PLXDC2: variants seen among roughly 807,000 people sequenced by gnomAD.
The protein encoded by PLXDC2 is plexin domain containing 2.
A neutral mutation model predicts 68.9 loss-of-function variants in PLXDC2; 40 were observed. That is an observed-to-expected ratio of 0.58 (90% CI 0.45 to 0.76). The LOEUF (loss-of-function observed/expected upper bound fraction) is 0.76, where lower values mean the gene tolerates loss of function less well. PLXDC2 is among the 30% of genes least tolerant of loss of function. PLXDC2 has a pLI of 0.00. For synonymous variants in PLXDC2, 243 were observed against 234.2 expected (o/e 1.04, Z -0.34); for missense variants, 644 against 661.9 (o/e 0.97, Z 0.30).
intron 5 of PLXDC2, among the ~76,000 whole-genome samples, chr10:20,146,573 G>A (rs1049187454): frequency 8.9e-5 from 11 of 123,168 alleles, no homozygotes; most frequent in South Asian, 5.8e-4. Flanking sequence ...GGAGATGCCC[G>A]TGGAAGGAAG....
At position 20,246,597 on chromosome 10, in the gene PLXDC2, G is replaced by A. The variant is rs545098188; in HGVS notation, c.1473+1092G>A. Among the ~76,000 whole-genome samples, 155 of 152,272 alleles carry A rather than the reference G, an allele frequency of 1.0e-3. 6 individuals are homozygous for A. The South Asian group carries it at 0.029, about 28-fold the overall frequency. ...ACTCCTGACCACAAGTGATCCTCCC[G>A]CCTTGGCCTCCCAAAGTGCCGGGAT... On this transcript the variant is annotated intron_variant, in intron 13 of 13. Transcript: ENST00000377252.
intron 1 of PLXDC2, among the ~76,000 whole-genome samples, chr10:19,935,015 C>T (rs1486574385): frequency 6.6e-6 from 1 of 152,196 alleles, no homozygotes; most frequent in East Asian, 1.9e-4. Context: ...GCCCCTTTTC[C>T]AGAAAAAGGA....
At chr10:20,033,390 G>A (rs1251287490) in intron 2 of PLXDC2, among the ~76,000 whole-genome samples, 2 of 151,992 alleles carry the variant, frequency 1.3e-5, no homozygotes, top group Non-Finnish European at 2.9e-5. Flanking sequence ...AACACAGAAA[G>A]TAAGTGACCC....
At chr10:20,209,115 A>T (rs1428015788) in intron 9 of PLXDC2, among the ~76,000 whole-genome samples, 1 of 152,176 alleles carries the variant, frequency 6.6e-6, no homozygotes, top group Non-Finnish European at 1.5e-5. Context: ...AAAACATCGT[A>T]TCAGGAAACA....
At chr10:20,224,844 A>G (rs1400305697) in intron 12 of PLXDC2, among the ~76,000 whole-genome samples, 2 of 152,208 alleles carry the variant, frequency 1.3e-5, no homozygotes, top group East Asian at 1.9e-4. Context: ...ATATTTAAAT[A>G]TAAGTTCTTA....
At chr10:19,902,826 A>G (rs1838181283) in intron 1 of PLXDC2, among the ~76,000 whole-genome samples, 1 of 152,072 alleles carries the variant, frequency 6.6e-6, no homozygotes, top group Admixed American at 6.6e-5. Context: ...TGTCATAGAT[A>G]TTTTTTATTC....
chr10:20,277,348 A>T (rs1290981749), intron 13 of PLXDC2, among the ~76,000 whole-genome samples: 1 of 152,164 alleles, frequency 6.6e-6, no homozygotes, highest in African/African-American at 2.4e-5. Context: ...TAGGAATTCT[A>T]AAAGTTAGCA....
intron 2 of PLXDC2, among the ~76,000 whole-genome samples, chr10:20,005,927 C>T (rs1176473382): frequency 6.6e-6 from 1 of 152,178 alleles, no homozygotes; most frequent in Non-Finnish European, 1.5e-5. Context: ...CAGTGGCTCA[C>T]ACCTGTAATC....
At chr10:19,920,365 C>G (rs528704684) in intron 1 of PLXDC2, among the ~76,000 whole-genome samples, 1 of 152,340 alleles carries the variant, frequency 6.6e-6, no homozygotes, top group South Asian at 2.1e-4. Context: ...TGCCACACCC[C>G]CATCCTGTGC....
At chr10:20,116,874 C>T (rs917507913) in intron 4 of PLXDC2, among the ~76,000 whole-genome samples, 1 of 151,934 alleles carries the variant, frequency 6.6e-6, no homozygotes, top group Non-Finnish European at 1.5e-5. Flanking sequence ...GTAAATTCTA[C>T]AGATTGTTAT....
At chr10:19,857,180 G>T (rs1359660220) in intron 1 of PLXDC2, among the ~76,000 whole-genome samples, 5 of 152,174 alleles carry the variant, frequency 3.3e-5, no homozygotes, top group Non-Finnish European at 4.4e-5. Flanking sequence ...GCAAGTTACA[G>T]AGCTAGTCAA....
rs371344350 is a variant in PLXDC2, at chr10:20,189,542, T to TACAC, written c.1061+12145_1061+12148dup. Among the ~76,000 whole-genome samples the TACAC allele has an allele frequency of 2.0e-3, 237 of 118,966 alleles. 1 individual carries two copies. The highest frequency in any genetic ancestry group is 5.4e-3 in the African/African-American group (187 of 34,368). The allele number at this position is 118,966 out of a possible 152,430, so 78.0% of individuals were successfully genotyped here. A position where few individuals can be genotyped will look rare whatever the true frequency, so the allele number is the denominator to read the frequency against. On this transcript the variant is annotated intron_variant, in intron 9 of 13. Coordinates refer to ENST00000377252, the MANE Select transcript of PLXDC2 (RefSeq NM_032812.9). ...ACATATATATACACACACATATATATACACACACACACACATATATATATA... is the reference window on the plus strand; with the variant it reads ...ACATATATATACACACACATATATATACACACACACACACACACATATATATATA...
intron 13 of PLXDC2, among the ~76,000 whole-genome samples, chr10:20,252,666 G>C (rs1835693700): frequency 6.6e-6 from 1 of 152,194 alleles, no homozygotes; most frequent in South Asian, 2.1e-4. Flanking sequence ...TTTAATATTT[G>C]TTGAGCTTCT....
At chr10:20,247,908 C>T (rs906351839) in intron 13 of PLXDC2, among the ~76,000 whole-genome samples, 1 of 152,166 alleles carries the variant, frequency 6.6e-6, no homozygotes, top group African/African-American at 2.4e-5. Context: ...TATTATCACG[C>T]ATTGCCTTGA....
chr10:20,136,308 C>T (rs1833932511), intron 4 of PLXDC2, among the ~76,000 whole-genome samples: 1 of 152,152 alleles, frequency 6.6e-6, no homozygotes, highest in Admixed American at 6.5e-5. Context: ...TTTTAATTTT[C>T]AGATTATCAA....
chr10:20,037,352 T>A (rs957995028), intron 2 of PLXDC2, among the ~76,000 whole-genome samples: 1 of 152,108 alleles, frequency 6.6e-6, no homozygotes, highest in Admixed American at 6.5e-5. Context: ...ATCTTCTTTT[T>A]TTTTTTAATT....
At chr10:19,947,936 T>C (rs905743001) in intron 1 of PLXDC2, among the ~76,000 whole-genome samples, 1 of 152,190 alleles carries the variant, frequency 6.6e-6, no homozygotes, top group Admixed American at 6.5e-5. Flanking sequence ...ACTTAACTAT[T>C]GACATGAGTC....
chr10:19,846,871 C>G (rs1029186909), intron 1 of PLXDC2, among the ~76,000 whole-genome samples: 14 of 152,138 alleles, frequency 9.2e-5, no homozygotes, highest in Non-Finnish European at 1.9e-4. Flanking sequence ...GTTTAATGGA[C>G]TCACAGTTCC....
intron 12 of PLXDC2, among the ~76,000 whole-genome samples, chr10:20,220,601 TGA>T (rs1308289831): frequency 1.3e-5 from 2 of 152,132 alleles, no homozygotes; most frequent in African/African-American, 4.8e-5. Flanking sequence ...CGAATAAGTG[TGA>T]GAGACTCTGG....
Sources: gnomAD v4.1 joint callset for allele counts (sites outside exome capture counted in the v4.1 genomes callset) on GRCh38, gnomAD v4.1.1 for gene constraint, MANE v1.5 for transcripts, NCBI Gene and HGNC (gene_info 2026-07-23, HGNC 2026-07-21) for gene names.